ANOS1: variants seen among roughly 807,000 people sequenced by gnomAD.
The protein encoded by ANOS1 is anosmin-1.
In ANOS1, 6 loss-of-function variants were observed where a neutral mutation model predicts 59.0. That is an observed-to-expected ratio of 0.10 (90% CI 0.06 to 0.20). ANOS1 has a LOEUF of 0.20. Among genes scored for constraint, ANOS1 ranks in the 10% least tolerant of loss-of-function variants. The probability of loss-of-function intolerance (pLI) is 1.00; values close to 1 mark genes in which losing one functional copy is unlikely to be tolerated. For synonymous variants in ANOS1, 217 were observed against 223.4 expected, an observed-to-expected ratio of 0.97 and a Z score of 0.25; for missense variants, 433 against 542.3, an observed-to-expected ratio of 0.80 and a Z score of 2.00.
At chrX:8,593,888 C>A (rs1484737416) in intron 4 of ANOS1, among the ~76,000 whole-genome samples, 1 of 111,345 alleles carries the variant, frequency 9.0e-6, no homozygotes, top group Non-Finnish European at 1.9e-5. Flanking sequence ...CTTGCCCAGG[C>A]TACTCTTGAA....
At chrX:8,684,066 C>A (rs1241533413) in intron 2 of ANOS1, among the ~76,000 whole-genome samples, 1 of 111,941 alleles carries the variant, frequency 8.9e-6, no homozygotes, top group African/African-American at 3.2e-5. Flanking sequence ...CATTACCAAC[C>A]AGAAAACAAA....
intron 3 of ANOS1, among the ~76,000 whole-genome samples, chrX:8,619,102 GAAAGA>G (rs1469663656): frequency 6.8e-5 from 4 of 58,560 alleles, no homozygotes; most frequent in Non-Finnish European, 9.4e-5. Flanking sequence ...AAAAAAAAAA[GAAAGA>G]AAAGAAAAGA....
intron 6 of ANOS1, among the ~76,000 whole-genome samples, chrX:8,572,353 C>T (rs1336117994): frequency 4.7e-5 from 5 of 106,356 alleles, no homozygotes; most frequent in South Asian, 8.8e-4. Flanking sequence ...TCTCATCCTT[C>T]GGCTCCCACT....
chrX:8,570,383 A>T, intron 7 of ANOS1, 116 bp downstream of exon 7: 2 of 624,389 alleles, frequency 3.2e-6, no homozygotes. Context: ...ATGGGAGGGA[A>T]GCTTTCCTGC....
intron 5 of ANOS1, among the ~76,000 whole-genome samples, chrX:8,586,037 T>C (rs917342447): frequency 8.9e-6 from 1 of 112,362 alleles, no homozygotes; most frequent in African/African-American, 3.2e-5. Context: ...TTTTAAGATA[T>C]CAAATAACTT....
chrX:8,614,933 GA>G (rs1037984362), intron 3 of ANOS1, among the ~76,000 whole-genome samples: 2 of 50,920 alleles, frequency 3.9e-5, no homozygotes, highest in African/African-American at 1.5e-4. Flanking sequence ...GCTTAAAAAG[GA>G]AAAAAAGTTT....
At chrX:8,556,029 G>A (rs908085994) in intron 8 of ANOS1, among the ~76,000 whole-genome samples, 1 of 112,212 alleles carries the variant, frequency 8.9e-6, no homozygotes. Context: ...GGGATGCAAG[G>A]CTGGTTCAAC....
In ANOS1 at chrX:8,532,457, T is replaced by C. The variant is rs1476052562; in HGVS notation, c.*538A>G. 2.7e-5 allele frequency: 3 copies of C among 112,156 alleles called. No individual in the cohort carries two copies. Among genetic ancestry groups the C allele is most frequent in the Non-Finnish European group, 5.6e-5 (3 of 53,449 alleles). 9.2% of individuals were successfully genotyped at this position (112,156 alleles called of 1,213,427 possible). Reference sequence around the variant, plus strand: ...GCATTTTTAGATTTAAATTCGCTGGTATATTTTAGATTACACATTTTCATT... The same window carrying C: ...GCATTTTTAGATTTAAATTCGCTGGCATATTTTAGATTACACATTTTCATT... On this transcript the variant is annotated 3_prime_UTR_variant, in exon 14 of 14. Coordinates refer to ENST00000262648, the MANE Select transcript of ANOS1 (RefSeq NM_000216.4).
At chrX:8,571,278 G>A (rs776595597) in intron 6 of ANOS1, among the ~76,000 whole-genome samples, 74 of 110,893 alleles carry the variant, frequency 6.7e-4, no homozygotes, top group African/African-American at 1.0e-3. Flanking sequence ...TCCATACCAC[G>A]GCAACCCAGC....
In ANOS1 at chrX:8,550,610, T is replaced by C. The variant is rs1368467995; in HGVS notation, c.1354+3342A>G. On this transcript the variant is annotated intron_variant, in intron 9 of 13. Coordinates refer to ENST00000262648, the MANE Select transcript of ANOS1 (RefSeq NM_000216.4). The stretch of plus-strand genomic sequence containing the variant: ...TATAAATCTATAGTAGTTAAGACAG[T>C]AAGGTATTGTCACAACATTGCAAAA... Among the ~76,000 whole-genome samples, 10 of 111,412 alleles carry C rather than the reference T, an allele frequency of 9.0e-5. No individual in the cohort carries two copies. The Admixed American group carries it at 9.6e-4, about 11-fold the overall frequency.
At chrX:8,719,294 G>A (rs1258045026) in intron 1 of ANOS1, among the ~76,000 whole-genome samples, 2 of 112,401 alleles carry the variant, frequency 1.8e-5, no homozygotes, top group African/African-American at 6.5e-5. Flanking sequence ...TTAAAGACAA[G>A]GACTGGGATA....
chrX:8,553,818 T>G, intron 9 of ANOS1, 134 bp downstream of exon 9: 1 of 532,721 alleles, frequency 1.9e-6, no homozygotes, highest in Non-Finnish European at 3.2e-6. Context: ...AACCGTCAAC[T>G]CATTCAGACT....
intron 2 of ANOS1, among the ~76,000 whole-genome samples, chrX:8,682,926 C>T (rs1410161043): frequency 9.0e-6 from 1 of 111,537 alleles, no homozygotes; most frequent in Non-Finnish European, 1.9e-5. Flanking sequence ...TACCACGGAC[C>T]ATCATCTACT....
chrX:8,727,112 C>T (rs775813021), intron 1 of ANOS1, among the ~76,000 whole-genome samples: 1 of 112,319 alleles, frequency 8.9e-6, no homozygotes, highest in African/African-American at 3.2e-5. Context: ...GTATGCTCTG[C>T]AATGGCCATG....
At chrX:8,577,929 A>G (rs1930356886) in intron 6 of ANOS1, among the ~76,000 whole-genome samples, 1 of 111,834 alleles carries the variant, frequency 8.9e-6, no homozygotes, top group Non-Finnish European at 1.9e-5. Context: ...AGGCTCCTCT[A>G]GGTTTAAGAC....
At chrX:8,546,679 C>A (rs1477776876) in intron 9 of ANOS1, among the ~76,000 whole-genome samples, 2 of 111,716 alleles carry the variant, frequency 1.8e-5, no homozygotes, top group African/African-American at 6.5e-5. Flanking sequence ...CATTTTCTGG[C>A]AATCATGTAG....
intron 2 of ANOS1, among the ~76,000 whole-genome samples, chrX:8,641,832 T>C (rs1462835287): frequency 9.0e-6 from 1 of 110,568 alleles, no homozygotes; most frequent in Non-Finnish European, 1.9e-5. Context: ...CTTAGAGTTC[T>C]AGATAGGCAT....
chrX:8,594,677 TATATATATATATATATATATAC>T (rs1266966550), intron 4 of ANOS1, among the ~76,000 whole-genome samples: 2 of 58,113 alleles, frequency 3.4e-5, no homozygotes, highest in African/African-American at 7.6e-5. Context: ...TATATATATA[TATATATATATATATATATATAC>T]ACATATATAT....
chrX:8,706,111 A>G (rs1002864764), intron 1 of ANOS1, among the ~76,000 whole-genome samples: 4 of 112,631 alleles, frequency 3.6e-5, no homozygotes, highest in Non-Finnish European at 7.5e-5. Context: ...AAGAAAACAC[A>G]TCATTCATGC....
Sources: allele counts gnomAD v4.1 joint callset (sites outside exome capture counted in the v4.1 genomes callset), GRCh38; gene constraint gnomAD v4.1.1; transcripts MANE v1.5; gene names NCBI Gene and HGNC (gene_info 2026-07-23, HGNC 2026-07-21).